Variants in DNAH7 observed in about 807,000 individuals in gnomAD.
DNAH7 encodes the protein dynein axonemal heavy chain 7.
DNAH7 carries 397 observed loss-of-function variants against 444.6 expected under a neutral mutation model. The observed-to-expected ratio is 0.89, with a 90% confidence interval of 0.82 to 0.97. The LOEUF is 0.97. DNAH7 is among the 50% of genes least tolerant of loss of function. The probability of loss-of-function intolerance (pLI) is 0.00; values close to 1 mark genes in which losing one functional copy is unlikely to be tolerated. For synonymous variants in DNAH7, 1,636 were observed against 1,624.4 expected, an observed-to-expected ratio of 1.01 and a Z score of -0.17; for missense variants, 4,902 against 4,800.8, an observed-to-expected ratio of 1.02 and a Z score of -0.62.
At chr2:195,909,097 A>C (rs1398724021) in intron 25 of DNAH7, among the ~76,000 whole-genome samples, 2 of 152,086 alleles carry the variant, frequency 1.3e-5, no homozygotes, top group Non-Finnish European at 2.9e-5. Flanking sequence ...GGAGGGTGGG[A>C]GAAGAGTGAG....
intron 24 of DNAH7, among the ~76,000 whole-genome samples, chr2:195,911,335 A>G (rs1002805318): frequency 2.6e-5 from 4 of 152,238 alleles, no homozygotes; most frequent in Non-Finnish European, 5.9e-5. Context: ...TCAGTGAACA[A>G]GTTAAATAGC....
intron 56 of DNAH7, among the ~76,000 whole-genome samples, chr2:195,796,099 C>T (rs1185409313): frequency 2.0e-5 from 3 of 152,142 alleles, no homozygotes; most frequent in Non-Finnish European, 2.9e-5. Context: ...TGGGTGGGAA[C>T]AGTGCCCTTT....
At position 196,026,660 on chromosome 2, in the gene DNAH7, A is replaced by G. The variant is rs1182381763; in HGVS notation, c.667+100T>C. 8 of 789,042 alleles carry G rather than the reference A, an allele frequency of 1.0e-5. No individual in the cohort carries two copies. The African/African-American group carries it at 1.4e-4, about 14-fold the overall frequency. 48.9% of individuals were successfully genotyped at this position (789,042 alleles called of 1,614,324 possible). ...GCAATGTAAGAAATGGCATAATTAT[A>G]ATATTGTGACTAGTTTCAAGTATAG... is the stretch of plus-strand genomic sequence containing the variant. On this transcript the variant is annotated intron_variant, in intron 7 of 64. Coordinates refer to ENST00000312428, the MANE Select transcript of DNAH7 (RefSeq NM_018897.3).
intron 2 of DNAH7, among the ~76,000 whole-genome samples, chr2:196,056,381 G>T (rs1351028694): frequency 1.3e-5 from 2 of 149,948 alleles, no homozygotes; most frequent in African/African-American, 4.9e-5. Flanking sequence ...GGAGGCGGAG[G>T]TTGCAGTGAG....
chr2:195,997,423 G>C (rs1285762665), intron 12 of DNAH7, among the ~76,000 whole-genome samples: 2 of 152,286 alleles, frequency 1.3e-5, no homozygotes, highest in East Asian at 3.9e-4. Context: ...GCTGAGGCAG[G>C]AGAATCGCGT....
Position 195,895,176 on chromosome 2 carries a change from A to T in DNAH7, c.4696T>A (p.Tyr1566Asn). ...TTGATAGCTGCCAGCAAATCATTGTAATCTGGTTTTGGTAATTTTACCCCA... is the reference window on the plus strand; with the variant it reads ...TTGATAGCTGCCAGCAAATCATTGTTATCTGGTTTTGGTAATTTTACCCCA... ...FPGVKLPKPDYNDLLAAIKDN... is the reference protein window; with the variant it reads ...FPGVKLPKPDNNDLLAAIKDN... The change falls in exon 30 of 65, where the codon TAC becomes AAC. Residue 1566 changes from tyrosine (Y) to asparagine (N), a missense_variant. By Grantham distance (143) the Tyr-to-Asn change is moderately radical. Coordinates refer to ENST00000312428, the MANE Select transcript of DNAH7 (RefSeq NM_018897.3). The T allele has an allele frequency of 6.2e-7, 1 of 1,612,252 alleles. No homozygotes were observed. The highest frequency in any genetic ancestry group is 8.5e-7 in the Non-Finnish European group (1 of 1,178,782).
In DNAH7 at chr2:195,740,830, C is replaced by A. The variant is rs1692987239; in HGVS notation, c.11804G>T (p.Trp3935Leu). ...IHGLFLDGAS[W>L]NRKIKKLAES... ...TGCAAGTTTCTTGATCTTTCTATTCCAGGAAGCTCCATCCAGAAATAATCC... is the reference window on the plus strand; with the variant it reads ...TGCAAGTTTCTTGATCTTTCTATTCAAGGAAGCTCCATCCAGAAATAATCC... Residue 3935 changes from tryptophan to leucine, a missense_variant, in exon 64 of 65, where the codon TGG becomes TTG. Trp to Leu is a moderately conservative substitution (Grantham distance 61, BLOSUM62 -2). Coordinates refer to ENST00000312428, the MANE Select transcript of DNAH7 (RefSeq NM_018897.3). 6.4e-7 allele frequency: 1 copy of A among 1,563,702 alleles called. No homozygotes were observed. The highest frequency in any genetic ancestry group is 8.7e-7 in the Non-Finnish European group (1 of 1,153,660).
intron 51 of DNAH7, among the ~76,000 whole-genome samples, chr2:195,812,614 G>A (rs549523151): frequency 1.1e-4 from 16 of 152,116 alleles, no homozygotes; most frequent in Admixed American, 2.6e-4. Context: ...CATACTAGTC[G>A]TAACATAATA....
chr2:195,904,178 C>T (rs1205032117), intron 27 of DNAH7: 1 of 152,168 alleles, frequency 6.6e-6, no homozygotes, highest in African/African-American at 2.4e-5. Context: ...GTAGACTCCT[C>T]CTAATGGGAG....
chr2:195,894,826 A>T (rs1702212606), intron 30 of DNAH7, 150 bp downstream of exon 30: 7 of 769,476 alleles, frequency 9.1e-6, no homozygotes, highest in Non-Finnish European at 1.3e-5. Flanking sequence ...TATTTGCTTC[A>T]TTTTACTTTT....
chr2:195,836,643 G>C (rs1351866857), intron 47 of DNAH7, among the ~76,000 whole-genome samples: 1 of 152,024 alleles, frequency 6.6e-6, no homozygotes, highest in Non-Finnish European at 1.5e-5. Flanking sequence ...TAACATCTTA[G>C]ATGCAATTAA....
Position 196,019,262 on chromosome 2 carries a change from A to C in DNAH7, c.777T>G (p.Ser259=). The change falls in exon 9 of 65, where the codon TCT becomes TCG. Residue 259 remains serine (S), a synonymous_variant. Coordinates refer to ENST00000312428, the MANE Select transcript of DNAH7 (RefSeq NM_018897.3). The part of the protein sequence containing the change: ...MEILPKPWRK[S]FLAASSYIRD... The stretch of plus-strand genomic sequence containing the variant: ...TAATATAACTGCTTGCAGCTAAAAA[A>C]GATTTCCTCCAAGGTTTTGGCAGAA... The C allele has an allele frequency of 6.6e-7, 1 of 1,508,862 alleles. No individual in the cohort carries two copies. The highest frequency in any genetic ancestry group is 1.4e-5 in the South Asian group (1 of 71,510). 93.5% of individuals were successfully genotyped at this position (1,508,862 alleles called of 1,614,324 possible).
Position 195,845,095 on chromosome 2 carries a change from A to G in DNAH7, c.8852T>C (p.Met2951Thr). 6.2e-7 allele frequency: 1 copy of G among 1,613,916 alleles called. No homozygotes were observed. Among genetic ancestry groups the G allele is most frequent in the Middle Eastern group, 1.7e-4 (1 of 6,058 alleles). ...TGTCACAGCTTCTCCCAGGGTACCC[A>G]TAAGAGAGCAATCATCTGAGCAGGG... is the stretch of plus-strand genomic sequence containing the variant. ...DIPCSDDCSL[M>T]GTLGEAVTIR... The change falls in exon 47 of 65, where the codon ATG (methionine) becomes ACG (threonine). Residue 2951 changes from methionine to threonine, a missense_variant. Coordinates refer to ENST00000312428, the MANE Select transcript of DNAH7 (RefSeq NM_018897.3).
chr2:196,004,583 T>C (rs1050790988), intron 10 of DNAH7, among the ~76,000 whole-genome samples: 1 of 152,074 alleles, frequency 6.6e-6, no homozygotes, highest in African/African-American at 2.4e-5. Flanking sequence ...AAACACCACA[T>C]AGCATAACTC....
chr2:195,888,660 G>T, intron 32 of DNAH7, 139 bp downstream of exon 32: 1 of 993,916 alleles, frequency 1.0e-6, no homozygotes, highest in Non-Finnish European at 1.5e-6. Context: ...AACAGATAAC[G>T]TCTGTACTTT....
At chr2:195,981,970 A>G (rs1291251796) in intron 15 of DNAH7, among the ~76,000 whole-genome samples, 1 of 152,216 alleles carries the variant, frequency 6.6e-6, no homozygotes, top group African/African-American at 2.4e-5. Flanking sequence ...AAATGGGATC[A>G]CATCCAGTTA....
Position 195,889,809 on chromosome 2 carries a change from C to T in DNAH7, c.5047-828G>A, listed in dbSNP as rs542182011. On this transcript the variant is annotated intron_variant, in intron 31 of 64. Transcript: ENST00000312428. Reference sequence around the variant, plus strand: ...CCCCTTCACTGAATGAATTCACACACATACATACACGTATACACACCCACT... The same window carrying T: ...CCCCTTCACTGAATGAATTCACACATATACATACACGTATACACACCCACT... Among the ~76,000 whole-genome samples the T allele has an allele frequency of 2.1e-4, 32 of 152,326 alleles. No individual in the cohort carries two copies. The South Asian group carries it at 5.6e-3, about 27-fold the overall frequency.
chr2:195,907,813 G>C (rs1249314385), intron 25 of DNAH7, among the ~76,000 whole-genome samples: 1 of 151,954 alleles, frequency 6.6e-6, no homozygotes, highest in African/African-American at 2.4e-5. Flanking sequence ...AACCACACTG[G>C]ATTGTACACG....
At chr2:196,015,846 C>T (rs1161055760) in intron 9 of DNAH7, among the ~76,000 whole-genome samples, 2 of 152,092 alleles carry the variant, frequency 1.3e-5, no homozygotes, top group Admixed American at 1.3e-4. Flanking sequence ...GAGGGGTAGC[C>T]CTTGTTGACT....
Sources: allele counts gnomAD v4.1 joint callset (sites outside exome capture counted in the v4.1 genomes callset), GRCh38; gene constraint gnomAD v4.1.1; transcripts MANE v1.5; gene names NCBI Gene and HGNC (gene_info 2026-07-23, HGNC 2026-07-21).